FAF1: variants seen among roughly 807,000 people sequenced by gnomAD.
FAF1 encodes FAS-associated factor 1.
FAF1 carries 25 observed loss-of-function variants against 92.5 expected under a neutral mutation model. The observed-to-expected ratio is 0.27, with a 90% CI of 0.20 to 0.38. The LOEUF (loss-of-function observed/expected upper bound fraction) is 0.38, where lower values mean the gene tolerates loss of function less well. Ranked by LOEUF, FAF1 falls within the 10% of genes least tolerant of loss-of-function variation. The pLI is 1.00. For missense variants in FAF1, 636 were observed against 793.3 expected (o/e 0.80, Z 2.38); for synonymous variants, 234 against 273.2 (o/e 0.86, Z 1.42).
At position 50,632,910 on chromosome 1, in the gene FAF1, C is replaced by T. The variant is rs74080029; in HGVS notation, c.744+22532G>A. On this transcript the variant is annotated intron_variant, in intron 8 of 18. Coordinates refer to ENST00000396153, the MANE Select transcript of FAF1 (RefSeq NM_007051.3). ...CTATTTTCTCTAGTTATTTCTCGAA[C>T]TGCTTTCCTTCTCAGTGTTCTTCTC... Among the ~76,000 whole-genome samples the T allele has an allele frequency of 7.7e-3, 1,169 of 152,310 alleles. 13 individuals are homozygous for T. Among genetic ancestry groups the T allele is most frequent in the African/African-American group, 0.027 (1,128 of 41,568 alleles).
intron 6 of FAF1, chr1:50,714,979 G>A: frequency 4.7e-6 from 2 of 426,652 alleles, no homozygotes; most frequent in South Asian, 1.7e-5. Context: ...TTCAAACACT[G>A]TAACAGATAT....
chr1:50,942,768 T>C (rs1645143815), intron 1 of FAF1, among the ~76,000 whole-genome samples: 1 of 150,316 alleles, frequency 6.7e-6, no homozygotes, highest in African/African-American at 2.5e-5. Context: ...TTTTACAGAG[T>C]ATCAGCAATT....
chr1:50,638,944 T>C (rs1335386817), intron 8 of FAF1, among the ~76,000 whole-genome samples: 1 of 152,264 alleles, frequency 6.6e-6, no homozygotes, highest in East Asian at 1.9e-4. Context: ...CACATTTCTA[T>C]GACTCCCAAA....
chr1:50,517,097 AAG>A (rs201602872), intron 15 of FAF1, among the ~76,000 whole-genome samples: 1,928 of 152,308 alleles, frequency 0.013, 33 homozygotes, highest in African/African-American at 0.045. Flanking sequence ...ATTTATGAAA[AAG>A]AGAATTTAAG....
intron 7 of FAF1, among the ~76,000 whole-genome samples, chr1:50,699,620 C>T (rs1262478786): frequency 6.6e-6 from 1 of 152,010 alleles, no homozygotes; most frequent in Non-Finnish European, 1.5e-5. Flanking sequence ...ATATATTTTA[C>T]TCAAAAAATA....
intron 2 of FAF1, among the ~76,000 whole-genome samples, chr1:50,815,469 G>A (rs754057851): frequency 1.3e-5 from 2 of 152,040 alleles, no homozygotes; most frequent in Non-Finnish European, 2.9e-5. Context: ...CTCTGTTGAT[G>A]GACACCTAGA....
chr1:50,549,412 G>C (rs185367675), intron 13 of FAF1, among the ~76,000 whole-genome samples: 111 of 152,090 alleles, frequency 7.3e-4, no homozygotes, highest in Admixed American at 2.5e-3. Context: ...GGGCTCAAGC[G>C]ATCCTTCTGC....
chr1:50,951,386 TA>T (rs1363872649), intron 1 of FAF1, among the ~76,000 whole-genome samples: 1 of 152,194 alleles, frequency 6.6e-6, no homozygotes, highest in African/African-American at 2.4e-5. Context: ...GTACATACCT[TA>T]AAACTGTCAA....
intron 6 of FAF1, among the ~76,000 whole-genome samples, chr1:50,728,670 A>T (rs1207176923): frequency 6.6e-6 from 1 of 151,916 alleles, no homozygotes; most frequent in Non-Finnish European, 1.5e-5. Flanking sequence ...ACATACCTGT[A>T]ATCCCAGCTA....
chr1:50,839,036 G>A (rs1396222308), intron 2 of FAF1, among the ~76,000 whole-genome samples: 1 of 152,108 alleles, frequency 6.6e-6, no homozygotes, highest in Admixed American at 6.5e-5. Context: ...CTCAGGTACT[G>A]CTTTTTTTGA....
chr1:50,716,967 C>T (rs1387892221), intron 6 of FAF1, among the ~76,000 whole-genome samples: 1 of 152,192 alleles, frequency 6.6e-6, no homozygotes, highest in East Asian at 1.9e-4. Flanking sequence ...GTAACACTTG[C>T]TGCAAAGGTC....
chr1:50,607,476 T>A (rs1257519808), intron 8 of FAF1, among the ~76,000 whole-genome samples: 1 of 152,094 alleles, frequency 6.6e-6, no homozygotes, highest in Non-Finnish European at 1.5e-5. Context: ...AGCCATTACC[T>A]CCCACTATTT....
At position 50,924,950 on chromosome 1, in the gene FAF1, T is replaced by A. The variant is rs991893318; in HGVS notation, c.45+34817A>T. ...GTGAGCTGAGATCGTGCCATTGCAC[T>A]CCAGCCTGGGTGACAAGAATGAAAC... On this transcript the variant is annotated intron_variant, in intron 1 of 18. Transcript: ENST00000396153. Among the ~76,000 whole-genome samples the A allele has an allele frequency of 2.6e-5, 4 of 152,268 alleles. 1 individual carries two copies. The East Asian group carries it at 7.7e-4, about 29-fold the overall frequency.
At chr1:50,924,622 G>T (rs1195896131) in intron 1 of FAF1, among the ~76,000 whole-genome samples, 1 of 152,114 alleles carries the variant, frequency 6.6e-6, no homozygotes, top group Non-Finnish European at 1.5e-5. Context: ...CAGAAAAAAA[G>T]AACAAAGCTG....
At chr1:50,552,297 CA>C (rs766349774) in intron 13 of FAF1, among the ~76,000 whole-genome samples, 531 of 84,966 alleles carry the variant, frequency 6.2e-3, no homozygotes, top group Non-Finnish European at 9.5e-3. Context: ...ACTCTGTTTC[CA>C]AAAAAAAAAA....
rs1439350009 is a variant in FAF1 at position 50,960,259 on chromosome 1, C to A, written c.-448G>T. 1.5e-5 allele frequency: 5 copies of A among 331,448 alleles called. No homozygotes were observed. Among genetic ancestry groups the A allele is most frequent in the Non-Finnish European group, 2.2e-5 (4 of 182,058 alleles). 20.5% of individuals were successfully genotyped at this position (331,448 alleles called of 1,614,324 possible). A position where few individuals can be genotyped will look rare whatever the true frequency, so the allele number is the denominator to read the frequency against. On this transcript the variant is annotated 5_prime_UTR_variant, in exon 1 of 19. Coordinates refer to ENST00000396153, the MANE Select transcript of FAF1 (RefSeq NM_007051.3). ...GCTTCCTCCCTGGCCGCCGCCTCCG[C>A]CCCTGGTTGGCCAGCGCCACGGCTG...
chr1:50,448,061 AC>A (rs1245214039), intron 18 of FAF1, among the ~76,000 whole-genome samples: 1 of 152,196 alleles, frequency 6.6e-6, no homozygotes, highest in East Asian at 1.9e-4. Flanking sequence ...TATAATACTA[AC>A]ACTTAAATTC....
chr1:50,909,316 T>G (rs1166985254), intron 1 of FAF1, among the ~76,000 whole-genome samples: 5 of 152,358 alleles, frequency 3.3e-5, no homozygotes, highest in Non-Finnish European at 5.9e-5. Flanking sequence ...CATCTTTTCC[T>G]TCATTTCAAC....
chr1:50,668,475 T>A (rs1188013113), intron 7 of FAF1, among the ~76,000 whole-genome samples: 1 of 152,232 alleles, frequency 6.6e-6, no homozygotes, highest in Non-Finnish European at 1.5e-5. Context: ...GCAGAAAGCC[T>A]ATCTTAAGAA....
Sources: gnomAD v4.1 joint callset for allele counts (sites outside exome capture counted in the v4.1 genomes callset) on GRCh38, gnomAD v4.1.1 for gene constraint, MANE v1.5 for transcripts, NCBI Gene and HGNC (gene_info 2026-07-23, HGNC 2026-07-21) for gene names.